The following SLC25A48 variants were observed in gnomAD, a reference collection of about 807,000 sequenced individuals.
The protein encoded by SLC25A48 is CTC-321K16.1.
Under a neutral mutation model 32.2 loss-of-function variants are expected in SLC25A48, and 29 were observed. That is an observed-to-expected ratio of 0.90 (90% CI 0.67 to 1.23). SLC25A48 has a LOEUF of 1.23. Ranked by LOEUF, SLC25A48 falls within the 50% of genes most tolerant of loss-of-function variation. The probability of loss-of-function intolerance (pLI) is 0.00; values close to 1 mark genes in which losing one functional copy is unlikely to be tolerated. For missense variants in SLC25A48, 399 were observed against 422.7 expected (o/e 0.94, Z 0.49); for synonymous variants, 164 against 172.3 (o/e 0.95, Z 0.38).
intron 1 of SLC25A48, among the ~76,000 whole-genome samples, chr5:135,627,572 T>C (rs1237638087): frequency 6.6e-6 from 1 of 152,064 alleles, no homozygotes; most frequent in Non-Finnish European, 1.5e-5. Context: ...TTAAAACCCT[T>C]CATTAAAGTA....
At chr5:135,647,464 G>A (rs935962683) in intron 3 of SLC25A48, among the ~76,000 whole-genome samples, 34 of 152,106 alleles carry the variant, frequency 2.2e-4, no homozygotes, top group African/African-American at 7.7e-4. Context: ...TGTTATCAGT[G>A]ACTTTGCTCT....
intron 3 of SLC25A48, among the ~76,000 whole-genome samples, chr5:135,788,482 T>C (rs1447589885): frequency 4.8e-5 from 7 of 147,162 alleles, no homozygotes; most frequent in Non-Finnish European, 9.0e-5. Flanking sequence ...GAGAGGGTGA[T>C]ATTTCTTCCC....
chr5:135,790,963 G>C (rs1165557413), intron 3 of SLC25A48, among the ~76,000 whole-genome samples: 1 of 145,890 alleles, frequency 6.9e-6, no homozygotes, highest in Admixed American at 7.1e-5. Context: ...CATTATGTGT[G>C]AATACCCTTT....
At chr5:135,856,872 C>T (rs758964015) in intron 4 of SLC25A48, among the ~76,000 whole-genome samples, 10 of 152,212 alleles carry the variant, frequency 6.6e-5, no homozygotes, top group Non-Finnish European at 1.0e-4. Flanking sequence ...TGCTCTATCC[C>T]GACTGCTTCA....
At chr5:135,887,723 C>T (rs1282029318) in intron 7 of SLC25A48, among the ~76,000 whole-genome samples, 2 of 152,042 alleles carry the variant, frequency 1.3e-5, no homozygotes, top group South Asian at 2.1e-4. Context: ...GCAAGAACTT[C>T]ACATTAGGGA....
At chr5:135,833,637 A>T (rs995322893), upstream of SLC25A48, among the ~76,000 whole-genome samples, 2 of 152,192 alleles carry the variant, frequency 1.3e-5, no homozygotes, top group South Asian at 2.1e-4. Flanking sequence ...GGAACTTTGC[A>T]ATACTTCCCT....
upstream of SLC25A48, among the ~76,000 whole-genome samples, chr5:135,832,200 G>A (rs1163202415): frequency 2.0e-5 from 3 of 152,286 alleles, no homozygotes; most frequent in South Asian, 2.1e-4. Flanking sequence ...GGGGTTATAC[G>A]CTGAGAGATG....
At chr5:135,592,076 C>G (rs1751540373) in intron 1 of SLC25A48, among the ~76,000 whole-genome samples, 1 of 152,136 alleles carries the variant, frequency 6.6e-6, no homozygotes, top group Non-Finnish European at 1.5e-5. Context: ...GAGTGGGAAA[C>G]AGGCCAAGTT....
intron 3 of SLC25A48, among the ~76,000 whole-genome samples, chr5:135,667,435 A>G (rs1433651482): frequency 3.3e-5 from 5 of 152,048 alleles, no homozygotes; most frequent in South Asian, 2.1e-4. Context: ...CAGTGCTGCA[A>G]CTCCCGAACA....
At chr5:135,876,956 C>T (rs1029424016) in intron 6 of SLC25A48, among the ~76,000 whole-genome samples, 30 of 152,260 alleles carry the variant, frequency 2.0e-4, no homozygotes, top group Admixed American at 1.1e-3. Context: ...AGATAGAGTG[C>T]AAGGCCCAAA....
Position 135,825,138 on chromosome 5 carries a change from G to A in SLC25A48, c.-117+12212G>A, listed in dbSNP as rs541458775. 6 of 152,350 alleles carry A rather than the reference G, an allele frequency of 3.9e-5. No homozygotes were observed. The East Asian group carries it at 1.2e-3, about 29-fold the overall frequency. 9.4% of individuals were successfully genotyped at this position (152,350 alleles called of 1,614,324 possible). A position where few individuals can be genotyped will look rare whatever the true frequency, so the allele number is the denominator to read the frequency against. ...CGTACCTAAAGTGCTCAGCAGGATG[G>A]TGAGCTCACAGAAACATTTATTTGG... On this transcript the variant is annotated intron_variant, in intron 4 of 10. Transcript: ENST00000646290.
At chr5:135,832,919 G>A (rs1483413056), upstream of SLC25A48, among the ~76,000 whole-genome samples, 2 of 152,198 alleles carry the variant, frequency 1.3e-5, no homozygotes, top group Non-Finnish European at 2.9e-5. Context: ...GTAATGGCCA[G>A]TAGCTGCCCT....
chr5:135,754,982 T>G (rs1332813524), intron 3 of SLC25A48, among the ~76,000 whole-genome samples: 1 of 152,112 alleles, frequency 6.6e-6, no homozygotes, highest in Non-Finnish European at 1.5e-5. Context: ...ATATCCAGTG[T>G]TTACACACTG....
At chr5:135,579,188 G>T, upstream of SLC25A48, 1 of 306,062 alleles carries the variant, frequency 3.3e-6, no homozygotes, top group South Asian at 6.1e-5. Context: ...GGAGCCACGC[G>T]CGCACACGCA....
chr5:135,695,869 C>T (rs932682068), intron 3 of SLC25A48, among the ~76,000 whole-genome samples: 1 of 152,176 alleles, frequency 6.6e-6, no homozygotes, highest in Non-Finnish European at 1.5e-5. Flanking sequence ...AGCTCTTAAT[C>T]TTAGTCACTT....
At chr5:135,804,397 A>G (rs1412806641) in intron 3 of SLC25A48, among the ~76,000 whole-genome samples, 1 of 151,524 alleles carries the variant, frequency 6.6e-6, no homozygotes, top group Non-Finnish European at 1.5e-5. Context: ...CATAATGTAC[A>G]CCCCCTGTGA....
intron 3 of SLC25A48, among the ~76,000 whole-genome samples, chr5:135,708,143 C>T (rs1049183430): frequency 2.6e-5 from 4 of 152,146 alleles, no homozygotes; most frequent in Non-Finnish European, 4.4e-5. Flanking sequence ...AGATTCTATT[C>T]GTGAGCCCCC....
chr5:135,866,768 G>A (rs1761237022), intron 4 of SLC25A48, among the ~76,000 whole-genome samples: 1 of 152,242 alleles, frequency 6.6e-6, no homozygotes, highest in South Asian at 2.1e-4. Context: ...CAAGGCAGGA[G>A]GCCTGGGCCC....
At chr5:135,753,335 C>T (rs59112074) in intron 3 of SLC25A48, among the ~76,000 whole-genome samples, 7,766 of 151,894 alleles carry the variant, frequency 0.051, 280 homozygotes, top group East Asian at 0.13. Context: ...GAGAGTTACC[C>T]GCACTATGAT....
Sources: gnomAD v4.1 joint callset for allele counts (sites outside exome capture counted in the v4.1 genomes callset) on GRCh38, gnomAD v4.1.1 for gene constraint, MANE v1.5 for transcripts, NCBI Gene and HGNC (gene_info 2026-07-23, HGNC 2026-07-21) for gene names.